The following ARMCX4 variants were observed in gnomAD, a reference collection of about 807,000 sequenced individuals.
ARMCX4 encodes the protein armadillo repeat-containing X-linked protein 4.
In ARMCX4, 3 loss-of-function variants were observed where a neutral mutation model predicts 34.7. That is an observed-to-expected ratio of 0.09 (90% CI 0.04 to 0.22). The LOEUF (loss-of-function observed/expected upper bound fraction) is 0.22, where lower values mean the gene tolerates loss of function less well. ARMCX4 is among the 10% of genes least tolerant of loss of function. The pLI is 1.00. For missense variants in ARMCX4, 1,448 were observed against 1,720.8 expected, an observed-to-expected ratio of 0.84 and a Z score of 2.81; for synonymous variants, 513 against 632.8, an observed-to-expected ratio of 0.81 and a Z score of 2.84.
chrX:101,489,986 C>G lies in ARMCX4; in HGVS notation c.1397C>G (p.Thr466Arg), dbSNP rs1556008190. The change falls in exon 6 of 6, where the codon ACA becomes AGA. Residue 466 changes from threonine (T) to arginine (R), a missense_variant. Transcript: ENST00000423738. The stretch of plus-strand genomic sequence containing the variant: ...GTTATGGCTAAGGTGGGGGATGGGA[C>G]AGACATGTTGTCCTGTACACAGCCT... ...PNVMAKVGDGTDMLSCTQPQL... is the reference protein window; with the variant it reads ...PNVMAKVGDGRDMLSCTQPQL... 8.7e-7 allele frequency: 1 copy of G among 1,153,021 alleles called. No individual in the cohort carries two copies.
At chrX:101,471,017 G>C (rs542349105) in intron 4 of ARMCX4, among the ~76,000 whole-genome samples, 4 of 112,200 alleles carry the variant, frequency 3.6e-5, no homozygotes, top group African/African-American at 1.3e-4. Flanking sequence ...AGCCATTCTA[G>C]TGGAAGTGTG....
chrX:101,491,251 G>A lies in ARMCX4; in HGVS notation c.2662G>A (p.Val888Ile), dbSNP rs1396170891. Residue 888 changes from valine to isoleucine, a missense_variant, in exon 6 of 6, where the codon GTC (valine) becomes ATC (isoleucine). Transcript: ENST00000423738. ...GACCTTGCCTGGTGCCAGGAATAAG[G>A]TCAAGGGCAATTCCAATGTTGTGTC... Reference protein sequence around the residue: ...RETLPGARNKVKGNSNVVSKA... With the variant: ...RETLPGARNKIKGNSNVVSKA... 6 of 1,155,076 alleles carry A rather than the reference G, an allele frequency of 5.2e-6. No individual in the cohort carries two copies. The highest frequency in any genetic ancestry group is 5.7e-6 in the Non-Finnish European group (5 of 872,745).
intron 2 of ARMCX4, among the ~76,000 whole-genome samples, chrX:101,421,852 C>T (rs1169234567): frequency 9.1e-6 from 1 of 110,468 alleles, no homozygotes; most frequent in African/African-American, 3.3e-5. Flanking sequence ...GTGGGTTCAC[C>T]TTGCCTGCTG....
downstream of ARMCX4, chrX:101,498,070 G>A (rs1266574391): frequency 6.4e-6 from 2 of 313,847 alleles, no homozygotes; most frequent in Admixed American, 3.3e-5. Context: ...GATGGATATG[G>A]CCTTCTTGCC....
Position 101,495,423 on chromosome X carries a change from G to A in ARMCX4, c.6834G>A (p.Glu2278=), listed in dbSNP as rs1245810918. The part of the protein sequence containing the change: ...RALAAECNDP[E]VKERVELLIS... Reference sequence around the variant, plus strand: ...TAGCAGCAGAATGCAATGACCCTGAGGTGAAAGAGAGAGTTGAGCTATTAA... The same window carrying A: ...TAGCAGCAGAATGCAATGACCCTGAAGTGAAAGAGAGAGTTGAGCTATTAA... Residue 2278 remains glutamate, a synonymous_variant, in exon 6 of 6, where the codon GAG becomes GAA. Coordinates refer to ENST00000423738, the MANE Select transcript of ARMCX4 (RefSeq NM_001256155.3). The A allele has an allele frequency of 8.9e-7, 1 of 1,122,114 alleles. No homozygotes were observed. Among genetic ancestry groups the A allele is most frequent in the Non-Finnish European group, 1.2e-6 (1 of 856,938 alleles). 92.5% of individuals were successfully genotyped at this position (1,122,114 alleles called of 1,213,427 possible). A position where few individuals can be genotyped will look rare whatever the true frequency, so the allele number is the denominator to read the frequency against.
intron 5 of ARMCX4, 68 bp from the exon 6 acceptor site, chrX:101,488,376 G>A (rs1256576207): frequency 1.0e-6 from 1 of 970,097 alleles, no homozygotes; most frequent in African/African-American, 2.0e-5. Context: ...GTTCCTCTGT[G>A]TATCTATCTG....
intron 11 of ARMCX4, among the ~76,000 whole-genome samples, chrX:101,529,606 G>C (rs1170161729): frequency 1.8e-5 from 2 of 111,944 alleles, no homozygotes; most frequent in Non-Finnish European, 3.8e-5. Context: ...CTAATATTCA[G>C]AATCTACGAA....
chrX:101,479,033 A>T (rs899084655), intron 4 of ARMCX4, among the ~76,000 whole-genome samples: 18 of 110,892 alleles, frequency 1.6e-4, no homozygotes, highest in African/African-American at 5.9e-4. Flanking sequence ...ATAGCATAAC[A>T]TGTCCTGGGA....
Position 101,492,369 on chromosome X carries a change from G to C in ARMCX4, c.3780G>C (p.Glu1260Asp). 1 of 1,153,925 alleles carries C rather than the reference G, an allele frequency of 8.7e-7. No homozygotes were observed. Among genetic ancestry groups the C allele is most frequent in the South Asian group, 1.9e-5 (1 of 52,408 alleles). The change falls in exon 6 of 6, where the codon GAG becomes GAC. Residue 1260 changes from glutamate to aspartate, a missense_variant. Physicochemically the swap from Glu to Asp is conservative, Grantham distance 45. Around this residue, in one of 2 missense-constraint regions of ARMCX4, gnomAD observed 1,343 missense variants for 1,540.7 expected, o/e 0.87. Coordinates refer to ENST00000423738, the MANE Select transcript of ARMCX4 (RefSeq NM_001256155.3). ...QASGVSWVGE[E>D]AIGGSWTGAE... ...GTGGGGTGTCCTGGGTTGGGGAAGA[G>C]GCCATTGGAGGGTCCTGGACTGGGG...
chrX:101,530,322 C>T (rs1027177511), intron 11 of ARMCX4, among the ~76,000 whole-genome samples: 26 of 110,616 alleles, frequency 2.4e-4, no homozygotes, highest in Admixed American at 1.4e-3. Flanking sequence ...CATCACACAC[C>T]GGAGCCTTCC....
intron 2 of ARMCX4, among the ~76,000 whole-genome samples, chrX:101,433,189 CAT>C (rs1930373058): frequency 4.1e-5 from 2 of 48,256 alleles, no homozygotes; most frequent in Non-Finnish European, 5.4e-5. Context: ...TACACGCACA[CAT>C]ACACATATAT....
At chrX:101,526,296 C>T (rs782507118) in intron 11 of ARMCX4, among the ~76,000 whole-genome samples, 9 of 111,780 alleles carry the variant, frequency 8.1e-5, no homozygotes, top group African/African-American at 2.9e-4. Flanking sequence ...GAGATTTTGT[C>T]ACCACCAGGC....
At chrX:101,450,001 G>A (rs1223903925), downstream of ARMCX4, among the ~76,000 whole-genome samples, 2 of 111,993 alleles carry the variant, frequency 1.8e-5, no homozygotes, top group South Asian at 3.7e-4. Flanking sequence ...ATCTGGAAGA[G>A]TTCTCTGGAT....
At position 101,488,825 on chromosome X, in the gene ARMCX4, C is replaced by T. The variant is rs1055839444; in HGVS notation, c.236C>T (p.Ala79Val). The change falls in exon 6 of 6, where the codon GCA becomes GTA. Residue 79 changes from alanine to valine, a missense_variant. Around this residue, in one of 2 missense-constraint regions of ARMCX4, gnomAD observed 1,343 missense variants for 1,540.7 expected, o/e 0.87. Transcript: ENST00000423738. Reference sequence around the variant, plus strand: ...GTCGAGATTGGAGCAGAAACTGGAGCAAGAAGTGGGCCTAGGGCTGAAGTA... The same window carrying T: ...GTCGAGATTGGAGCAGAAACTGGAGTAAGAAGTGGGCCTAGGGCTGAAGTA... Reference protein sequence around the residue: ...PQVEIGAETGARSGPRAEVET... With the variant: ...PQVEIGAETGVRSGPRAEVET... 19 of 1,154,335 alleles carry T rather than the reference C, an allele frequency of 1.6e-5. No homozygotes were observed. The African/African-American group carries it at 3.2e-4, about 20-fold the overall frequency.
chrX:101,472,736 A>C (rs376509302), intron 4 of ARMCX4, among the ~76,000 whole-genome samples: 2 of 88,540 alleles, frequency 2.3e-5, no homozygotes, highest in Non-Finnish European at 4.3e-5. Context: ...GAAATAAAAT[A>C]CTTTACAGAC....
chrX:101,451,851 A>G (rs956736908), downstream of ARMCX4, among the ~76,000 whole-genome samples: 12 of 112,435 alleles, frequency 1.1e-4, no homozygotes, highest in African/African-American at 3.9e-4. Flanking sequence ...CAAAAAGATC[A>G]CAATCTAGTT....
At position 101,455,822 on chromosome X, in the gene ARMCX4, C is replaced by T. The variant is rs141325267; in HGVS notation, c.-473+9778C>T. On this transcript the variant is annotated intron_variant and NMD_transcript_variant, in intron 4 of 15. Transcript: ENST00000433011. ...CAACCCTCGCCCCCCTCCAGCCTCCCGTCTAGTATTCCCCAGTGTCTGTTG... is the reference window on the plus strand; with the variant it reads ...CAACCCTCGCCCCCCTCCAGCCTCCTGTCTAGTATTCCCCAGTGTCTGTTG... Among the ~76,000 whole-genome samples the T allele has an allele frequency of 9.1e-3, 1,004 of 110,864 alleles. 6 individuals carry two copies. The highest frequency in any genetic ancestry group is 0.014 in the Non-Finnish European group (759 of 52,940).
At chrX:101,512,386 C>A (rs1401628473) in intron 11 of ARMCX4, among the ~76,000 whole-genome samples, 1 of 111,163 alleles carries the variant, frequency 9.0e-6, no homozygotes, top group Non-Finnish European at 1.9e-5. Flanking sequence ...AAAAAGAAAA[C>A]AAAAATTTCA....
intron 8 of ARMCX4, among the ~76,000 whole-genome samples, chrX:101,507,648 A>G (rs1409471547): frequency 9.0e-6 from 1 of 111,552 alleles, no homozygotes; most frequent in Non-Finnish European, 1.9e-5. Flanking sequence ...CATTTTGACA[A>G]AGTAAATCTA....
Sources: gnomAD v4.1 joint callset for allele counts (sites outside exome capture counted in the v4.1 genomes callset) on GRCh38, gnomAD v4.1.1 for gene constraint, gnomAD v4.1.1 regional missense constraint, MANE v1.5 for transcripts, NCBI Gene and HGNC (gene_info 2026-07-23, HGNC 2026-07-21) for gene names.